SOX5: variants seen among roughly 807,000 people sequenced by gnomAD.
SOX5 encodes transcription factor SOX-5.
Under a neutral mutation model 92.0 loss-of-function variants are expected in SOX5, and 9 were observed. The ratio of observed to expected loss-of-function variants is 0.10; its 90% CI spans 0.06 to 0.17. The LOEUF is 0.17. Ranked by LOEUF, SOX5 falls within the 10% of genes least tolerant of loss-of-function variation. The probability of loss-of-function intolerance (pLI) is 1.00; values close to 1 mark genes in which losing one functional copy is unlikely to be tolerated. For synonymous variants in SOX5, 344 were observed against 336.3 expected (o/e 1.02, Z -0.25); for missense variants, 642 against 944.5 (o/e 0.68, Z 4.20).
At chr12:23,975,563 G>A (rs1285856980) in intron 4 of SOX5, among the ~76,000 whole-genome samples, 3 of 152,078 alleles carry the variant, frequency 2.0e-5, no homozygotes, top group Non-Finnish European at 4.4e-5. Flanking sequence ...ATGTTTCCTT[G>A]TAGTGGGACA....
chr12:23,661,994 C>T (rs562741912), intron 7 of SOX5, among the ~76,000 whole-genome samples: 1 of 152,220 alleles, frequency 6.6e-6, no homozygotes, highest in African/African-American at 2.4e-5. Flanking sequence ...TTTAATAGAA[C>T]TGAGAAGTTC....
chr12:23,847,290 G>A lies in SOX5; in HGVS notation c.271-1097C>T, dbSNP rs950579675. On this transcript the variant is annotated intron_variant, in intron 2 of 14. Coordinates refer to ENST00000451604, the MANE Select transcript of SOX5 (RefSeq NM_006940.6). ...ATTTCTTAATTCTACAACATTAAAA[G>A]TTCGCATTAAAATATATTTGAATGT... is the stretch of plus-strand genomic sequence containing the variant. 2.6e-5 allele frequency among the ~76,000 whole-genome samples: 4 copies of A among 152,004 alleles called. 1 individual carries two copies. Among genetic ancestry groups the A allele is most frequent in the Non-Finnish European group, 5.9e-5 (4 of 67,960 alleles).
chr12:24,525,702 T>G (rs1950641049), intron 1 of SOX5, among the ~76,000 whole-genome samples: 1 of 151,680 alleles, frequency 6.6e-6, no homozygotes, highest in Admixed American at 6.6e-5. Context: ...AAACCCCGTC[T>G]CTACTAAAAA....
At chr12:23,675,249 T>C (rs1008919393) in intron 6 of SOX5, among the ~76,000 whole-genome samples, 3 of 152,204 alleles carry the variant, frequency 2.0e-5, no homozygotes, top group African/African-American at 7.2e-5. Context: ...ACATTTTTAA[T>C]ATCTTGCCTA....
chr12:23,720,891 G>C (rs1022720591), intron 6 of SOX5, among the ~76,000 whole-genome samples: 1 of 151,992 alleles, frequency 6.6e-6, no homozygotes, highest in Non-Finnish European at 1.5e-5. Context: ...CCGTACCTAC[G>C]ATCTTGATCT....
At chr12:24,553,709 A>C (rs916243512) in intron 1 of SOX5, among the ~76,000 whole-genome samples, 2 of 152,252 alleles carry the variant, frequency 1.3e-5, no homozygotes, top group Non-Finnish European at 1.5e-5. Context: ...TGGTGCCATG[A>C]GAATAGAGAA....
At chr12:24,232,674 C>T (rs1963639170) in intron 3 of SOX5, among the ~76,000 whole-genome samples, 1 of 152,118 alleles carries the variant, frequency 6.6e-6, no homozygotes, top group African/African-American at 2.4e-5. Flanking sequence ...GGTTAGATAT[C>T]TTGGCAAAGG....
At position 24,054,940 on chromosome 12, in the gene SOX5, C is replaced by T. The variant is rs187834438; in HGVS notation, c.-2+158403G>A. 3.3e-3 allele frequency among the ~76,000 whole-genome samples: 504 copies of T among 152,114 alleles called. 1 individual carries two copies. The highest frequency in any genetic ancestry group is 0.011 in the African/African-American group (477 of 41,488). On this transcript the variant is annotated intron_variant, in intron 4 of 4. Coordinates refer to the SOX5 transcript ENST00000446891. ...TTGTGGGGAGTGAGGCGCGTGGAAA[C>T]TGAGCAAATGAGGAATGGGAATGGG...
Position 23,604,516 on chromosome 12 carries a change from C to G in SOX5, c.1035G>C (p.Gln345His), listed in dbSNP as rs746874090. Residue 345 changes from glutamine to histidine, a missense_variant, in exon 9 of 15, where the codon CAG (glutamine) becomes CAC (histidine). Transcript: ENST00000451604. ...CTGGAGATACCTGCATTGCAGCTAG[C>G]TGGGCAGCATATAACTGCTACAGAA... is the stretch of plus-strand genomic sequence containing the variant. ...PLQLQQLYAA[Q>H]LAAMQVSPGG... The G allele has an allele frequency of 1.9e-6, 3 of 1,613,444 alleles. No individual in the cohort carries two copies. Among genetic ancestry groups the G allele is most frequent in the Non-Finnish European group, 2.5e-6 (3 of 1,179,770 alleles).
chr12:24,062,814 T>C (rs1350495843), intron 4 of SOX5, among the ~76,000 whole-genome samples: 1 of 152,128 alleles, frequency 6.6e-6, no homozygotes, highest in Non-Finnish European at 1.5e-5. Context: ...TTTTATGGAG[T>C]GGCCCTGGGC....
intron 2 of SOX5, among the ~76,000 whole-genome samples, chr12:23,888,711 T>C (rs1290117650): frequency 6.6e-6 from 1 of 152,196 alleles, no homozygotes; most frequent in Non-Finnish European, 1.5e-5. Context: ...AGTATAATGA[T>C]TGAACCACTT....
chr12:23,547,455 C>A (rs1943355412), intron 11 of SOX5, among the ~76,000 whole-genome samples: 1 of 151,980 alleles, frequency 6.6e-6, no homozygotes, highest in Admixed American at 6.6e-5. Flanking sequence ...GCTATTGACA[C>A]AATAAAATGT....
intron 4 of SOX5, among the ~76,000 whole-genome samples, chr12:23,984,958 G>C (rs1949922307): frequency 6.6e-6 from 1 of 152,146 alleles, no homozygotes; most frequent in Non-Finnish European, 1.5e-5. Flanking sequence ...ATCAGACTTT[G>C]GCAATGACCT....
intron 11 of SOX5, among the ~76,000 whole-genome samples, chr12:23,559,288 A>G (rs1263893693): frequency 6.6e-6 from 1 of 152,200 alleles, no homozygotes; most frequent in Non-Finnish European, 1.5e-5. Context: ...ATACCTGAGA[A>G]GCTCACTTTT....
chr12:23,798,940 G>T (rs989841721), intron 3 of SOX5, among the ~76,000 whole-genome samples: 19 of 151,888 alleles, frequency 1.3e-4, no homozygotes, highest in Non-Finnish European at 2.8e-4. Flanking sequence ...GTACTGTTTA[G>T]CCAAAATAGA....
At chr12:23,997,637 G>A (rs1265409047) in intron 4 of SOX5, among the ~76,000 whole-genome samples, 1 of 152,068 alleles carries the variant, frequency 6.6e-6, no homozygotes, top group African/African-American at 2.4e-5. Flanking sequence ...TAAAAGATGG[G>A]GCGGATTCAT....
chr12:24,313,451 G>A (rs979201865), intron 2 of SOX5, among the ~76,000 whole-genome samples: 7 of 152,116 alleles, frequency 4.6e-5, no homozygotes, highest in African/African-American at 1.7e-4. Flanking sequence ...GATCACTTGA[G>A]CCTAGCAGAT....
chr12:24,045,455 G>A lies in SOX5; in HGVS notation c.-1-149431C>T, dbSNP rs1289478466. 3.3e-5 allele frequency among the ~76,000 whole-genome samples: 5 copies of A among 152,084 alleles called. No individual in the cohort carries two copies. In the East Asian group the frequency reaches 5.8e-4, roughly 18 times the overall value. On this transcript the variant is annotated intron_variant, in intron 4 of 4. Coordinates refer to the SOX5 transcript ENST00000446891. ...TGGGACTACAGGTGTGTGCCACTAC[G>A]CCCAGCTAATTTTTAAATTTTTTTG...
intron 1 of SOX5, among the ~76,000 whole-genome samples, chr12:24,372,925 GA>G (rs1956881418): frequency 8.6e-6 from 1 of 116,620 alleles, no homozygotes. Context: ...ACCAGCCTGG[GA>G]AAAATGGCAA....
Sources: allele counts gnomAD v4.1 joint callset (sites outside exome capture counted in the v4.1 genomes callset), GRCh38; gene constraint gnomAD v4.1.1; transcripts MANE v1.5; gene names NCBI Gene and HGNC (gene_info 2026-07-23, HGNC 2026-07-21).